The following MEIOB variants were observed in gnomAD, a reference collection of about 807,000 sequenced individuals.
The protein encoded by MEIOB is meiosis specific with OB-fold.
MEIOB carries 50 observed loss-of-function variants against 53.1 expected under a neutral mutation model. The ratio of observed to expected loss-of-function variants is 0.94; its 90% CI spans 0.75 to 1.19. The LOEUF (loss-of-function observed/expected upper bound fraction) is 1.19, where lower values mean the gene tolerates loss of function less well. Among genes scored for constraint, MEIOB ranks in the 50% most tolerant of loss-of-function variants. The probability of loss-of-function intolerance (pLI) is 0.00; values close to 1 mark genes in which losing one functional copy is unlikely to be tolerated. For missense variants in MEIOB, 551 were observed against 550.8 expected, an observed-to-expected ratio of 1.00 and a Z score of 0.00; for synonymous variants, 192 against 182.5, an observed-to-expected ratio of 1.05 and a Z score of -0.42.
chr16:1,857,968 A>G (rs1415580461), intron 5 of MEIOB, 38 bp from the exon 6 acceptor site: 1 of 1,339,714 alleles, frequency 7.5e-7, no homozygotes, highest in East Asian at 2.5e-5. Context: ...TTTGAAAGTG[A>G]TCTTTGGAAA....
intron 1 of MEIOB, among the ~76,000 whole-genome samples, chr16:1,868,710 C>T (rs2150826319): frequency 6.6e-6 from 1 of 151,938 alleles, no homozygotes; most frequent in Middle Eastern, 3.4e-3. Flanking sequence ...AAAAAATTAG[C>T]TGGGCTTGGT....
At chr16:1,844,117 T>C (rs1486096274) in intron 10 of MEIOB, among the ~76,000 whole-genome samples, 4 of 149,922 alleles carry the variant, frequency 2.7e-5, no homozygotes, top group African/African-American at 9.8e-5. Flanking sequence ...TTCTGTATTA[T>C]GTTTCTTTTT....
intron 5 of MEIOB, among the ~76,000 whole-genome samples, chr16:1,858,463 C>G (rs931252938): frequency 3.9e-5 from 6 of 152,244 alleles, no homozygotes; most frequent in African/African-American, 1.4e-4. Flanking sequence ...CTAACCCAGC[C>G]CCACCTCCTC....
intron 3 of MEIOB, among the ~76,000 whole-genome samples, chr16:1,865,169 C>T (rs527501796): frequency 1.2e-4 from 19 of 152,060 alleles, no homozygotes; most frequent in Admixed American, 2.6e-4. Flanking sequence ...TGGTGGCTCA[C>T]ACCTGTAATT....
rs1481752169 is a variant in MEIOB, at chr16:1,853,241, C to G, written c.660G>C (p.Gln220His). ...CWDNESILLA[Q>H]SWMPRETVIF... Reference sequence around the variant, plus strand: ...TACCTGTTTCTCGTGGCATCCAGCTCTGTGCAAGTAGAATGGATTCATTAT... The same window carrying G: ...TACCTGTTTCTCGTGGCATCCAGCTGTGTGCAAGTAGAATGGATTCATTAT... Residue 220 changes from glutamine to histidine, a missense_variant, in exon 8 of 14, where the codon CAG (glutamine) becomes CAC (histidine). By Grantham distance (24) the Gln-to-His change is conservative. Transcript: ENST00000325962. 6.4e-7 allele frequency: 1 copy of G among 1,551,614 alleles called. No individual in the cohort carries two copies. Among genetic ancestry groups the G allele is most frequent in the Non-Finnish European group, 8.7e-7 (1 of 1,146,442 alleles).
chr16:1,850,176 G>C (rs1899129779), intron 9 of MEIOB, among the ~76,000 whole-genome samples: 1 of 152,144 alleles, frequency 6.6e-6, no homozygotes, highest in Non-Finnish European at 1.5e-5. Context: ...CCATTGTACA[G>C]TCAAGCTTGA....
At chr16:1,837,966 G>A (rs1898793424) in intron 12 of MEIOB, 96 bp from the exon 13 acceptor site, 2 of 1,446,880 alleles carry the variant, frequency 1.4e-6, no homozygotes, top group African/African-American at 2.9e-5. Flanking sequence ...CATTAGAAAT[G>A]AAATTTTATT....
chr16:1,863,163 G>C (rs2150822852), intron 3 of MEIOB, among the ~76,000 whole-genome samples: 1 of 152,112 alleles, frequency 6.6e-6, no homozygotes, highest in East Asian at 1.9e-4. Context: ...AGTGTGCGGT[G>C]AGCTTTGAAT....
intron 13 of MEIOB, among the ~76,000 whole-genome samples, chr16:1,837,006 G>A (rs1031748363): frequency 6.6e-6 from 1 of 152,122 alleles, no homozygotes; most frequent in Non-Finnish European, 1.5e-5. Flanking sequence ...AGTCTCACCT[G>A]TGACCCAGTG....
chr16:1,853,349 AAAAG>A (rs1170237024), intron 7 of MEIOB, 78 bp from the exon 8 acceptor site: 1 of 1,190,576 alleles, frequency 8.4e-7, no homozygotes, highest in Non-Finnish European at 1.2e-6. Flanking sequence ...TTACAACAAT[AAAAG>A]AAAGCTTCAG....
rs778489705 is a variant in MEIOB, at chr16:1,841,994, TA to T, written c.881-22del. 2.7e-6 allele frequency: 4 copies of T among 1,491,358 alleles called. No homozygotes were observed. In the African/African-American group the frequency reaches 4.2e-5, roughly 16 times the overall value. The allele number at this position is 1,491,358 out of a possible 1,614,324, so 92.4% of individuals were successfully genotyped here. On this transcript the variant is annotated intron_variant, in intron 10 of 13. Transcript: ENST00000325962. ...ACTTACTAAAAACAGAAAGAAGTAT[TA>T]CAGTTCTGTATATATTCTAAAAAAT... is the stretch of plus-strand genomic sequence containing the variant.
rs747850768 is a variant in MEIOB at position 1,834,313 on chromosome 16, G to A, written c.1359C>T (p.Cys453=). 2.5e-6 allele frequency: 4 copies of A among 1,613,278 alleles called. No homozygotes were observed. In the East Asian group the frequency reaches 6.7e-5, roughly 27 times the overall value. The change falls in exon 14 of 14, where the codon TGC becomes TGT. Residue 453 remains cysteine, a synonymous_variant. Transcript: ENST00000325962. The stretch of plus-strand genomic sequence containing the variant: ...TTGCCTCAGTAGGATCTGCAAGCTT[G>A]CACGAGAGTACACTAATTTTCAATC... ...RSGLKISVLS[C]KLADPTEASR...
In MEIOB at chr16:1,865,813, C is replaced by T. The variant is rs546964774; in HGVS notation, c.92G>A (p.Gly31Glu). ...TGGAAAGCCTTTGACATCTGTTTTC[C>T]CAATAACTATACCGATAACTTTCTG... is the stretch of plus-strand genomic sequence containing the variant. ...ANLKVIGIVIGKTDVKGFPDR... is the reference protein window; with the variant it reads ...ANLKVIGIVIEKTDVKGFPDR... Residue 31 changes from glycine to glutamate, a missense_variant, in exon 3 of 14, where the codon GGG (glycine) becomes GAG (glutamate). Transcript: ENST00000325962. 1.3e-6 allele frequency: 2 copies of T among 1,548,858 alleles called. No individual in the cohort carries two copies. Among genetic ancestry groups the T allele is most frequent in the Non-Finnish European group, 1.7e-6 (2 of 1,146,142 alleles).
intron 10 of MEIOB, among the ~76,000 whole-genome samples, chr16:1,843,707 A>T (rs1898967037): frequency 6.6e-6 from 1 of 152,118 alleles, no homozygotes; most frequent in Admixed American, 6.6e-5. Context: ...CAAAAAAAAA[A>T]AAAAAGAGAA....
intron 5 of MEIOB, 88 bp downstream of exon 5, chr16:1,860,315 A>G: frequency 1.5e-6 from 1 of 665,160 alleles, no homozygotes. Context: ...TAGAAACAGA[A>G]CACTTTTAGT....
chr16:1,861,524 C>T (rs1227200695), intron 4 of MEIOB, among the ~76,000 whole-genome samples: 2 of 149,888 alleles, frequency 1.3e-5, no homozygotes, highest in Non-Finnish European at 3.0e-5. Flanking sequence ...CTGAATGCCT[C>T]GCATTGCAGT....
At chr16:1,856,758 C>CGT (rs1567278725) in intron 6 of MEIOB, among the ~76,000 whole-genome samples, 1 of 104,360 alleles carries the variant, frequency 9.6e-6, no homozygotes, top group Non-Finnish European at 1.8e-5. Flanking sequence ...CCACGCCAGG[C>CGT]CTTTTTTTTT....
intron 4 of MEIOB, 40 bp from the exon 5 acceptor site, chr16:1,860,515 T>A: frequency 1.7e-6 from 2 of 1,147,760 alleles, no homozygotes; most frequent in East Asian, 2.6e-5. Context: ...TACAAAACAG[T>A]AACAAGATAA....
At chr16:1,867,909 C>CAAGT (rs1555473175) in intron 2 of MEIOB, among the ~76,000 whole-genome samples, 198 bp downstream of exon 2, 1 of 151,858 alleles carries the variant, frequency 6.6e-6, no homozygotes, top group East Asian at 1.9e-4. Context: ...ACTCTACACA[C>CAAGT]AAAGATTAAT....
Sources: gnomAD v4.1 joint callset for allele counts (sites outside exome capture counted in the v4.1 genomes callset) on GRCh38, gnomAD v4.1.1 for gene constraint, MANE v1.5 for transcripts, NCBI Gene and HGNC (gene_info 2026-07-23, HGNC 2026-07-21) for gene names.